Variants in INTS7 observed in about 807,000 individuals in gnomAD.
INTS7 encodes the protein integrator complex subunit 7.
In INTS7, 46 loss-of-function variants were observed where a neutral mutation model predicts 109.2. The ratio of observed to expected loss-of-function variants is 0.42; its 90% CI spans 0.33 to 0.54. The LOEUF (loss-of-function observed/expected upper bound fraction) is 0.54, where lower values mean the gene tolerates loss of function less well. Among genes scored for constraint, INTS7 ranks in the 20% least tolerant of loss-of-function variants. The probability of loss-of-function intolerance (pLI) is 0.07; values close to 1 mark genes in which losing one functional copy is unlikely to be tolerated. For missense variants in INTS7, 929 were observed against 1,132.4 expected, an observed-to-expected ratio of 0.82 and a Z score of 2.58; for synonymous variants, 412 against 402.9, an observed-to-expected ratio of 1.02 and a Z score of -0.27.
chr1:212,021,779 T>C (rs1410464831), intron 1 of INTS7, among the ~76,000 whole-genome samples: 1 of 151,822 alleles, frequency 6.6e-6, no homozygotes, highest in East Asian at 1.9e-4. Flanking sequence ...GCCTGGGAAG[T>C]TGAAGCTGCA....
chr1:211,962,667 T>C (rs1663692771), intron 16 of INTS7, among the ~76,000 whole-genome samples: 1 of 152,078 alleles, frequency 6.6e-6, no homozygotes, highest in African/African-American at 2.4e-5. Context: ...AGAATGAAAA[T>C]AATAACCACT....
chr1:211,951,840 G>C (rs1487132387), intron 17 of INTS7, among the ~76,000 whole-genome samples: 3 of 152,218 alleles, frequency 2.0e-5, no homozygotes, highest in Non-Finnish European at 4.4e-5. Flanking sequence ...CCTGAGCAGA[G>C]ATACTGGGGA....
At chr1:212,029,047 T>C (rs1667046468) in intron 1 of INTS7, among the ~76,000 whole-genome samples, 1 of 152,192 alleles carries the variant, frequency 6.6e-6, no homozygotes, top group Non-Finnish European at 1.5e-5. Context: ...AATGGTGGAA[T>C]TCTGAGGTGA....
intron 16 of INTS7, among the ~76,000 whole-genome samples, chr1:211,958,604 T>C (rs1663470844): frequency 6.6e-6 from 1 of 152,222 alleles, no homozygotes; most frequent in African/African-American, 2.4e-5. Flanking sequence ...TAAATATTTT[T>C]CTGTTCCCCC....
intron 15 of INTS7, among the ~76,000 whole-genome samples, chr1:211,967,242 G>C (rs1302456641): frequency 6.6e-6 from 1 of 152,000 alleles, no homozygotes; most frequent in East Asian, 1.9e-4. Flanking sequence ...CTTGAGGCCA[G>C]GAGTTTGAGA....
intron 11 of INTS7, 77 bp from the exon 12 acceptor site, chr1:211,976,796 G>A: frequency 1.4e-6 from 2 of 1,402,756 alleles, no homozygotes; most frequent in Non-Finnish European, 2.0e-6. Flanking sequence ...CCCAAAGGGA[G>A]GAAAACTAAT....
chr1:212,001,358 C>A (rs114643125), intron 7 of INTS7, among the ~76,000 whole-genome samples: 1 of 152,080 alleles, frequency 6.6e-6, no homozygotes, highest in African/African-American at 2.4e-5. Context: ...GCCCAGAATT[C>A]CTCTTAAAAC....
At chr1:211,996,471 C>A (rs149159298) in intron 7 of INTS7, among the ~76,000 whole-genome samples, 1 of 152,072 alleles carries the variant, frequency 6.6e-6, no homozygotes, top group East Asian at 1.9e-4. Flanking sequence ...AACCCCTGAA[C>A]TGTTTACAAA....
chr1:211,995,714 G>T (rs1387925553), intron 7 of INTS7, among the ~76,000 whole-genome samples: 1 of 152,194 alleles, frequency 6.6e-6, no homozygotes, highest in Admixed American at 6.5e-5. Flanking sequence ...CAAGTTGATG[G>T]AATTAGGAGG....
At chr1:211,955,960 G>T (rs1227841841) in intron 16 of INTS7, among the ~76,000 whole-genome samples, 1 of 152,178 alleles carries the variant, frequency 6.6e-6, no homozygotes, top group Admixed American at 6.5e-5. Flanking sequence ...CTACATAAAA[G>T]ACTTGCTAAC....
chr1:211,998,854 G>T (rs192849082), intron 7 of INTS7, among the ~76,000 whole-genome samples: 3 of 152,120 alleles, frequency 2.0e-5, no homozygotes, highest in African/African-American at 7.2e-5. Context: ...TAAAATATTA[G>T]AATAGGCACT....
intron 7 of INTS7, among the ~76,000 whole-genome samples, chr1:211,994,778 T>G (rs543078549): frequency 6.6e-6 from 1 of 150,410 alleles, no homozygotes; most frequent in South Asian, 2.1e-4. Context: ...AAAAAGTATG[T>G]TCAATTAAAA....
rs990752228 is a variant in INTS7, at chr1:211,940,968, A to G, written c.*856T>C. On this transcript the variant is annotated 3_prime_UTR_variant, in exon 20 of 20. Transcript: ENST00000366994. The stretch of plus-strand genomic sequence containing the variant: ...TTTGTTTCAATTAAATATGAAAATA[A>G]TAAAGACTGCTTTAGCACAGGAAGA... The G allele has an allele frequency of 6.6e-6, 1 of 152,266 alleles. No individual in the cohort carries two copies. The highest frequency in any genetic ancestry group is 1.5e-5 in the Non-Finnish European group (1 of 68,042). 9.4% of individuals were successfully genotyped at this position (152,266 alleles called of 1,614,324 possible).
rs1317397855 is a variant in INTS7, at chr1:211,959,898, A to G, written c.2183+6532T>C. 1.3e-5 allele frequency among the ~76,000 whole-genome samples: 2 copies of G among 152,172 alleles called. No homozygotes were observed. The highest frequency in any genetic ancestry group is 4.8e-5 in the African/African-American group (2 of 41,432). On this transcript the variant is annotated intron_variant, in intron 16 of 19. Transcript: ENST00000366994. This position sits in a 1 kb window ranked among gnomAD's most constrained non-coding sequence, Gnocchi z 4.2. Reference sequence around the variant, plus strand: ...CTGCGCTGCCTCTGCTGCTGCTGTGAAGGCCCACACAAAGGCCGGCATCCC... The same window carrying G: ...CTGCGCTGCCTCTGCTGCTGCTGTGGAGGCCCACACAAAGGCCGGCATCCC...
At chr1:212,011,881 A>G (rs543972263) in intron 4 of INTS7, among the ~76,000 whole-genome samples, 21 of 152,350 alleles carry the variant, frequency 1.4e-4, no homozygotes, top group African/African-American at 5.1e-4. Flanking sequence ...GGGCTAAGAA[A>G]CTTCAAACTA....
chr1:212,015,121 C>G (rs569249835), intron 4 of INTS7, among the ~76,000 whole-genome samples: 1 of 151,322 alleles, frequency 6.6e-6, no homozygotes, highest in Non-Finnish European at 1.5e-5. Context: ...CCGCCCCGTC[C>G]GGGAGGGAGG....
chr1:212,022,670 A>AATAT (rs201693626), intron 1 of INTS7, among the ~76,000 whole-genome samples: 3,976 of 152,292 alleles, frequency 0.026, 57 homozygotes, highest in African/African-American at 0.046. Flanking sequence ...GGATAACTAT[A>AATAT]ACTCTCATAC....
chr1:211,993,541 G>A (rs530561972), intron 7 of INTS7, among the ~76,000 whole-genome samples: 3,466 of 152,026 alleles, frequency 0.023, 45 homozygotes, highest in African/African-American at 0.027. Context: ...TTAGCTAGGC[G>A]TGGTGGCAGG....
chr1:211,951,316 G>GT (rs200176989), intron 17 of INTS7, among the ~76,000 whole-genome samples: 4,243 of 151,148 alleles, frequency 0.028, 145 homozygotes, highest in East Asian at 0.12. Flanking sequence ...TGTTTGGTTG[G>GT]TTTTTTTTTG....
Sources: gnomAD v4.1 joint callset for allele counts (sites outside exome capture counted in the v4.1 genomes callset) on GRCh38, gnomAD v4.1.1 for gene constraint, Gnocchi (gnomAD v3.1) non-coding constraint, MANE v1.5 for transcripts, NCBI Gene and HGNC (gene_info 2026-07-23, HGNC 2026-07-21) for gene names.